SCP2: variants seen among roughly 807,000 people sequenced by gnomAD.
The protein encoded by SCP2 is SCP-2/3-oxoacyl-CoA thiolase.
A neutral mutation model predicts 71.4 loss-of-function variants in SCP2; 48 were observed. The ratio of observed to expected loss-of-function variants is 0.67; its 90% confidence interval spans 0.53 to 0.86. The LOEUF (loss-of-function observed/expected upper bound fraction) is 0.86, where lower values mean the gene tolerates loss of function less well. Ranked by LOEUF, SCP2 falls within the 40% of genes least tolerant of loss-of-function variation. SCP2 has a pLI of 0.00. For synonymous variants in SCP2, 220 were observed against 218.1 expected (o/e 1.01, Z -0.08); for missense variants, 560 against 655.6 (o/e 0.85, Z 1.59).
intron 11 of SCP2, 59 bp from the exon 12 acceptor site, chr1:53,014,831 C>T (rs1373952497): frequency 2.5e-6 from 4 of 1,593,714 alleles, no homozygotes; most frequent in South Asian, 2.2e-5. Context: ...ACAAACATCC[C>T]TTTTCTGGCT....
intron 14 of SCP2, among the ~76,000 whole-genome samples, chr1:53,046,783 C>G (rs962335081): frequency 2.0e-5 from 3 of 152,204 alleles, no homozygotes; most frequent in African/African-American, 7.2e-5. Flanking sequence ...ACCTACTGAC[C>G]TGCAAAGCCT....
intron 10 of SCP2, 21 bp downstream of exon 10, chr1:52,980,564 A>G (rs761361038): frequency 2.3e-5 from 37 of 1,603,284 alleles, no homozygotes; most frequent in Non-Finnish European, 3.1e-5. Flanking sequence ...TGAATAGGGC[A>G]GATTAATTCA....
intron 11 of SCP2, among the ~76,000 whole-genome samples, chr1:53,003,971 G>A (rs138706623): frequency 2.0e-5 from 3 of 152,180 alleles, no homozygotes; most frequent in East Asian, 1.9e-4. Flanking sequence ...CATCTGAATC[G>A]CCACTTCACT....
intron 13 of SCP2, among the ~76,000 whole-genome samples, chr1:53,028,545 T>G (rs1197544938): frequency 6.6e-6 from 1 of 150,726 alleles, no homozygotes; most frequent in Non-Finnish European, 1.5e-5. Flanking sequence ...TTTTTTTGTT[T>G]TAAAAATGAT....
rs940058686 is a variant in SCP2, at chr1:53,028,081, A to G, written c.1338+10A>G. Reference sequence around the variant, plus strand: ...GAAGAAACTTGAAGAGGTAAGATTTATGTAAAATATTGCCAGGAAGGACCT... The same window carrying G: ...GAAGAAACTTGAAGAGGTAAGATTTGTGTAAAATATTGCCAGGAAGGACCT... On this transcript the variant is annotated intron_variant, in intron 13 of 15. Coordinates refer to ENST00000371514, the MANE Select transcript of SCP2 (RefSeq NM_002979.5). The G allele has an allele frequency of 4.1e-6, 6 of 1,462,136 alleles. No individual in the cohort carries two copies. Among genetic ancestry groups the G allele is most frequent in the South Asian group, 1.1e-5 (1 of 87,776 alleles). The allele number at this position is 1,462,136 out of a possible 1,614,324, so 90.6% of individuals were successfully genotyped here.
intron 13 of SCP2, among the ~76,000 whole-genome samples, chr1:53,037,904 A>ACACACACACACACACACCCC (rs1553155264): frequency 7.9e-6 from 1 of 127,312 alleles, no homozygotes. Context: ...ACACACACAC[A>ACACACACACACACACACCCC]CACACACACA....
chr1:52,927,968 CG>C, intron 1 of SCP2, among the ~76,000 whole-genome samples: 1 of 152,340 alleles, frequency 6.6e-6, no homozygotes, highest in South Asian at 2.1e-4. Flanking sequence ...CAGGCTCCCA[CG>C]GCCGTTTTCC....
intron 6 of SCP2, among the ~76,000 whole-genome samples, chr1:52,965,139 T>G (rs957666202): frequency 1.3e-5 from 2 of 152,234 alleles, no homozygotes; most frequent in African/African-American, 4.8e-5. Context: ...TATGATGCTA[T>G]TATATAATCT....
At chr1:52,980,962 C>T (rs1658432587) in intron 10 of SCP2, among the ~76,000 whole-genome samples, 1 of 152,108 alleles carries the variant, frequency 6.6e-6, no homozygotes, top group Non-Finnish European at 1.5e-5. Context: ...GACGGAGACT[C>T]TCTCTGTAGC....
chr1:52,995,223 GCCT>G (rs1659842449), intron 11 of SCP2: 1 of 501,272 alleles, frequency 2.0e-6, no homozygotes, highest in South Asian at 1.6e-5. Flanking sequence ...TCAGTGTGGT[GCCT>G]CCACCCAAAG....
chr1:53,045,469 C>T (rs111681893), intron 14 of SCP2, among the ~76,000 whole-genome samples: 31,897 of 151,914 alleles, frequency 0.21, 5,844 homozygotes, highest in African/African-American at 0.49. Context: ...TTGTTTCAAT[C>T]TGGGAGCCTG....
intron 11 of SCP2, among the ~76,000 whole-genome samples, chr1:52,992,684 T>A (rs1208003709): frequency 6.6e-6 from 1 of 152,178 alleles, no homozygotes; most frequent in African/African-American, 2.4e-5. Context: ...AAAGTTGTAG[T>A]ATAAGTAAAG....
intron 1 of SCP2, among the ~76,000 whole-genome samples, chr1:52,939,658 T>C (rs1159602865): frequency 6.6e-6 from 1 of 152,206 alleles, no homozygotes; most frequent in East Asian, 1.9e-4. Context: ...CATATGTGTA[T>C]TGTGTGTGCT....
chr1:53,031,865 C>G (rs1350736128), intron 13 of SCP2, among the ~76,000 whole-genome samples: 1 of 152,186 alleles, frequency 6.6e-6, no homozygotes, highest in Admixed American at 6.5e-5. Flanking sequence ...ATAGGAATTT[C>G]TCTTCAAGTA....
chr1:53,048,093 C>G, intron 15 of SCP2, 156 bp downstream of exon 15: 1 of 667,614 alleles, frequency 1.5e-6, no homozygotes. Flanking sequence ...AAGCTGTGTG[C>G]CACACACTGT....
At position 53,021,651 on chromosome 1, in the gene SCP2, T is replaced by G. The variant is rs796279873; in HGVS notation, c.1236-6318T>G. Reference sequence around the variant, plus strand: ...TTTCCTTTTCTTTTTCTTTCTTTTTTTTTTTTTTTTTGGGACAGAGTCTTG... The same window carrying G: ...TTTCCTTTTCTTTTTCTTTCTTTTTGTTTTTTTTTTTGGGACAGAGTCTTG... On this transcript the variant is annotated intron_variant, in intron 12 of 15. Transcript: ENST00000371514. Among the ~76,000 whole-genome samples, 8 of 121,804 alleles carry G rather than the reference T, an allele frequency of 6.6e-5. No individual in the cohort carries two copies. The East Asian group carries it at 1.6e-3, about 24-fold the overall frequency. The allele number at this position is 121,804 out of a possible 152,430, so 79.9% of individuals were successfully genotyped here.
At chr1:53,043,234 T>C (rs951365407) in intron 14 of SCP2, among the ~76,000 whole-genome samples, 1 of 152,200 alleles carries the variant, frequency 6.6e-6, no homozygotes, top group African/African-American at 2.4e-5. Flanking sequence ...TGAGAATAAT[T>C]TCTATCCATA....
intron 12 of SCP2, among the ~76,000 whole-genome samples, chr1:53,016,397 C>G (rs554784385): frequency 0.01 from 1,536 of 152,124 alleles, 34 homozygotes; most frequent in African/African-American, 0.035. Flanking sequence ...TTCCTGGAGT[C>G]TCTCATATGT....
In SCP2 at chr1:53,028,091, T is replaced by C; in HGVS notation, c.1338+20T>C. The C allele has an allele frequency of 7.1e-7, 1 of 1,399,768 alleles. No individual in the cohort carries two copies. Among genetic ancestry groups the C allele is most frequent in the Non-Finnish European group, 1.0e-6 (1 of 986,100 alleles). 86.7% of individuals were successfully genotyped at this position (1,399,768 alleles called of 1,614,324 possible). ...GAAGAGGTAAGATTTATGTAAAATA[T>C]TGCCAGGAAGGACCTTGAGGCTAGA... is the stretch of plus-strand genomic sequence containing the variant. On this transcript the variant is annotated intron_variant, in intron 13 of 15. Coordinates refer to ENST00000371514, the MANE Select transcript of SCP2 (RefSeq NM_002979.5).
Sources: allele counts gnomAD v4.1 joint callset (sites outside exome capture counted in the v4.1 genomes callset), GRCh38; gene constraint gnomAD v4.1.1; transcripts MANE v1.5; gene names NCBI Gene and HGNC (gene_info 2026-07-23, HGNC 2026-07-21).